Variants in RPN2 observed in about 807,000 individuals in gnomAD.
The protein encoded by RPN2 is dolichyl-diphosphooligosaccharide--protein glycosyltransferase subunit 2.
RPN2 carries 29 observed loss-of-function variants against 71.4 expected under a neutral mutation model. The observed-to-expected ratio is 0.41, with a 90% CI of 0.30 to 0.55. RPN2 has a LOEUF of 0.55. Ranked by LOEUF, RPN2 falls within the 20% of genes least tolerant of loss-of-function variation. The pLI is 0.35. For missense variants in RPN2, 726 were observed against 774.1 expected (o/e 0.94, Z 0.74); for synonymous variants, 308 against 305.0 (o/e 1.01, Z -0.10).
chr20:37,228,865 T>G (rs1444782806), intron 12 of RPN2, 121 bp downstream of exon 12: 1 of 914,002 alleles, frequency 1.1e-6, no homozygotes, highest in Non-Finnish European at 1.7e-6. Flanking sequence ...ATAAATAAGC[T>G]TGGGAGGTGA....
chr20:37,211,237 G>C (rs960287397), intron 8 of RPN2, among the ~76,000 whole-genome samples: 4 of 151,536 alleles, frequency 2.6e-5, no homozygotes, highest in African/African-American at 9.7e-5. Context: ...GTTTCACCAT[G>C]TTGACCAGGC....
chr20:37,196,270 C>A (rs1259228532), intron 2 of RPN2, among the ~76,000 whole-genome samples: 2 of 152,056 alleles, frequency 1.3e-5, no homozygotes, highest in Non-Finnish European at 2.9e-5. Context: ...GCTCTGTCGC[C>A]CAGGCTGGAG....
At position 37,228,703 on chromosome 20, in the gene RPN2, A is replaced by G; in HGVS notation, c.1453A>G (p.Ile485Val). The change falls in exon 12 of 17, where the codon ATT becomes GTT. Residue 485 changes from isoleucine to valine, a missense_variant. Ile to Val is a conservative substitution (Grantham distance 29). Coordinates refer to ENST00000237530, the MANE Select transcript of RPN2 (RefSeq NM_002951.5). The stretch of plus-strand genomic sequence containing the variant: ...TGGCACCTACACTCTCTACTTAATC[A>G]TTGGAGATGCCACTTTGAAGAACCC... ...ASGTYTLYLI[I>V]GDATLKNPIL... 6.2e-7 allele frequency: 1 copy of G among 1,614,208 alleles called. No homozygotes were observed. The highest frequency in any genetic ancestry group is 8.5e-7 in the Non-Finnish European group (1 of 1,180,026).
intron 2 of RPN2, among the ~76,000 whole-genome samples, chr20:37,195,216 G>A (rs551282387): frequency 6.6e-6 from 1 of 152,276 alleles, no homozygotes; most frequent in African/African-American, 2.4e-5. Flanking sequence ...CTCAGCACTG[G>A]GTGGGCTCAC....
chr20:37,181,084 C>T (rs1386597725), intron 1 of RPN2, among the ~76,000 whole-genome samples: 1 of 152,094 alleles, frequency 6.6e-6, no homozygotes, highest in Non-Finnish European at 1.5e-5. Flanking sequence ...CAAAAATTAG[C>T]TGGGCATGGT....
At chr20:37,228,247 A>G (rs2068130439) in intron 11 of RPN2, among the ~76,000 whole-genome samples, 1 of 152,214 alleles carries the variant, frequency 6.6e-6, no homozygotes, top group Admixed American at 6.5e-5. Flanking sequence ...CGGGAAAAAG[A>G]AATTGCAGCA....
chr20:37,205,032 G>A, intron 6 of RPN2, 131 bp downstream of exon 6: 1 of 1,327,350 alleles, frequency 7.5e-7, no homozygotes. Flanking sequence ...CCTGGGTTAG[G>A]GATTAAGAAT....
chr20:37,223,894 C>G lies in RPN2; in HGVS notation c.1109C>G (p.Ser370Cys). ...TTCCTCTAGCTCAGAGTCAAGATCT[C>G]CACTGAAGTTGGCATCACAAATGTT... ...ANTVELRVKI[S>C]TEVGITNVDL... Residue 370 changes from serine (S) to cysteine (C), a missense_variant, in exon 10 of 17, where the codon TCC (serine) becomes TGC (cysteine). By Grantham distance (112) the Ser-to-Cys change is moderately radical (BLOSUM62 -1). Transcript: ENST00000237530. 6.2e-7 allele frequency: 1 copy of G among 1,613,856 alleles called. No homozygotes were observed. Among genetic ancestry groups the G allele is most frequent in the Non-Finnish European group, 8.5e-7 (1 of 1,179,872 alleles).
At chr20:37,238,775 G>A (rs1177253454) in intron 16 of RPN2, 1 of 593,126 alleles carries the variant, frequency 1.7e-6, no homozygotes, top group East Asian at 4.0e-5. Context: ...TCTGTTTCCA[G>A]GACAGCTGAG....
chr20:37,218,832 A>G (rs1285435042), intron 9 of RPN2, among the ~76,000 whole-genome samples: 1 of 152,066 alleles, frequency 6.6e-6, no homozygotes, highest in East Asian at 1.9e-4. Flanking sequence ...AGGTTCATCC[A>G]TGTTGTAGCA....
At chr20:37,204,989 C>A in intron 6 of RPN2, 88 bp downstream of exon 6, 1 of 1,579,658 alleles carries the variant, frequency 6.3e-7, no homozygotes, top group Non-Finnish European at 8.7e-7. Context: ...GAGGAATGTT[C>A]AGACAGTACC....
intron 4 of RPN2, among the ~76,000 whole-genome samples, chr20:37,202,176 CTA>C (rs2067405882): frequency 1.3e-5 from 2 of 152,180 alleles, no homozygotes; most frequent in African/African-American, 4.8e-5. Context: ...TCTTTCTAGG[CTA>C]TCTTAACTGC....
At chr20:37,180,601 A>T (rs933560534) in intron 1 of RPN2, among the ~76,000 whole-genome samples, 1 of 152,086 alleles carries the variant, frequency 6.6e-6, no homozygotes, top group African/African-American at 2.4e-5. Flanking sequence ...ATCTTCATAT[A>T]TTGGGTACCC....
chr20:37,210,008 A>G (rs1367913704), intron 7 of RPN2, 39 bp from the exon 8 acceptor site: 1 of 1,609,390 alleles, frequency 6.2e-7, no homozygotes, highest in Admixed American at 1.7e-5. Context: ...CTGCTCCTGT[A>G]GCCTTTGTTG....
intron 15 of RPN2, among the ~76,000 whole-genome samples, chr20:37,235,354 G>A (rs150621875): frequency 8.0e-4 from 121 of 152,178 alleles, no homozygotes; most frequent in African/African-American, 2.6e-3. Context: ...TTTTGTGCAC[G>A]TTTTCTCATT....
chr20:37,215,463 A>G (rs936083261), intron 9 of RPN2, among the ~76,000 whole-genome samples: 19 of 152,352 alleles, frequency 1.2e-4, no homozygotes, highest in African/African-American at 3.6e-4. Context: ...ACATTCTTAT[A>G]ATGTTAGTTT....
At chr20:37,203,106 G>A (rs1298609257) in intron 4 of RPN2, among the ~76,000 whole-genome samples, 1 of 151,994 alleles carries the variant, frequency 6.6e-6, no homozygotes, top group African/African-American at 2.4e-5. Flanking sequence ...TAAATTTTTT[G>A]TAAAGATGAG....
intron 7 of RPN2, 105 bp from the exon 8 acceptor site, chr20:37,209,942 T>C (rs2067617213): frequency 1.9e-6 from 3 of 1,554,486 alleles, no homozygotes; most frequent in South Asian, 1.1e-5. Context: ...AGCAGGGGAT[T>C]TGCTCTCCTG....
At chr20:37,199,514 C>G (rs1200886215) in intron 4 of RPN2, among the ~76,000 whole-genome samples, 2 of 152,082 alleles carry the variant, frequency 1.3e-5, no homozygotes, top group Non-Finnish European at 2.9e-5. Context: ...TTGCCTTGTG[C>G]GGTTGGAGGG....
Sources: gnomAD v4.1 joint callset for allele counts (sites outside exome capture counted in the v4.1 genomes callset) on GRCh38, gnomAD v4.1.1 for gene constraint, MANE v1.5 for transcripts, NCBI Gene and HGNC (gene_info 2026-07-23, HGNC 2026-07-21) for gene names.